ZBTB20: variants seen among roughly 807,000 people sequenced by gnomAD.
ZBTB20 encodes the protein zinc finger and BTB domain-containing protein 20.
ZBTB20 carries 9 observed loss-of-function variants against 56.9 expected under a neutral mutation model. That is an observed-to-expected ratio of 0.16 (90% confidence interval 0.10 to 0.28). The LOEUF is 0.28. ZBTB20 is among the 10% of genes least tolerant of loss of function. The probability of loss-of-function intolerance (pLI) is 1.00; values close to 1 mark genes in which losing one functional copy is unlikely to be tolerated. For synonymous variants in ZBTB20, 417 were observed against 420.7 expected, an observed-to-expected ratio of 0.99 and a Z score of 0.11; for missense variants, 655 against 1,003.0, an observed-to-expected ratio of 0.65 and a Z score of 4.69.
chr3:115,142,276 A>T (rs1327435996), intron 1 of ZBTB20, among the ~76,000 whole-genome samples: 3 of 152,186 alleles, frequency 2.0e-5, no homozygotes, highest in African/African-American at 7.2e-5. Context: ...ACACATGCAA[A>T]CACACATCGA....
At chr3:115,145,199 C>G (rs1560606729) in intron 1 of ZBTB20, among the ~76,000 whole-genome samples, 1 of 152,200 alleles carries the variant, frequency 6.6e-6, no homozygotes. Context: ...TGTGCAACAA[C>G]TTTGATATAT....
Position 114,544,392 on chromosome 3 carries a change from T to C in ZBTB20, c.-294-44001A>G, listed in dbSNP as rs146955237. Among the ~76,000 whole-genome samples the C allele has an allele frequency of 2.6e-5, 4 of 151,110 alleles. No individual in the cohort carries two copies. The East Asian group carries it at 7.7e-4, about 29-fold the overall frequency. ...CCAATAAAATTACCTGTAGCACTCT[T>C]AAAAACTAGATTTCTTCTTTCTTTC... On this transcript the variant is annotated intron_variant, in intron 6 of 11. Coordinates refer to ENST00000675478, the MANE Select transcript of ZBTB20 (RefSeq NM_001348800.3).
intron 6 of ZBTB20, among the ~76,000 whole-genome samples, chr3:114,592,334 A>G (rs1433500545): frequency 2.0e-5 from 3 of 152,342 alleles, no homozygotes; most frequent in Admixed American, 1.3e-4. Flanking sequence ...AGAAGATAAT[A>G]TATTATCAAG....
chr3:114,506,329 C>T lies in ZBTB20; in HGVS notation c.-294-5938G>A, dbSNP rs76719828. On this transcript the variant is annotated intron_variant, in intron 6 of 11. Transcript: ENST00000675478. The stretch of plus-strand genomic sequence containing the variant: ...AGATTTTAAAGTTCAGCAATTAGGT[C>T]TGGGACTGCTTCTGCGCCTGAGACA... 8.8e-3 allele frequency among the ~76,000 whole-genome samples: 1,346 copies of T among 152,118 alleles called. 14 individuals are homozygous for T. Among genetic ancestry groups the T allele is most frequent in the African/African-American group, 0.028 (1,164 of 41,510 alleles).
chr3:114,602,774 C>A (rs978429167), intron 6 of ZBTB20, among the ~76,000 whole-genome samples: 2 of 151,990 alleles, frequency 1.3e-5, no homozygotes, highest in African/African-American at 4.8e-5. Flanking sequence ...CCCCCAAAAA[C>A]TCATATGCTA....
At position 114,986,808 on chromosome 3, in the gene ZBTB20, T is replaced by C. The variant is rs1030664823; in HGVS notation, c.-506-12392A>G. On this transcript the variant is annotated intron_variant, in intron 2 of 11. Transcript: ENST00000675478. ...AAAATTTAGTAAAGATTCTAAATGA[T>C]AACACACTGTCATAAGATACATTAC... 1.1e-4 allele frequency among the ~76,000 whole-genome samples: 16 copies of C among 152,168 alleles called. No homozygotes were observed. In the East Asian group the frequency reaches 2.9e-3, roughly 27 times the overall value.
chr3:114,940,781 C>G (rs79902021), intron 3 of ZBTB20, among the ~76,000 whole-genome samples: 4,891 of 146,162 alleles, frequency 0.033, 228 homozygotes, highest in Non-Finnish European at 0.053. Flanking sequence ...AAGGATAAAC[C>G]ATTTCCTCTT....
chr3:114,826,435 G>A (rs544484994), intron 4 of ZBTB20, among the ~76,000 whole-genome samples: 1 of 151,626 alleles, frequency 6.6e-6, no homozygotes, highest in Admixed American at 6.6e-5. Context: ...TTAGACATCA[G>A]CATTCAGTAT....
At chr3:114,451,610 A>T (rs1483029652) in intron 7 of ZBTB20, among the ~76,000 whole-genome samples, 1 of 152,186 alleles carries the variant, frequency 6.6e-6, no homozygotes, top group Non-Finnish European at 1.5e-5. Flanking sequence ...ACGCTATGAC[A>T]CACACAGATA....
At chr3:114,682,915 G>T (rs1578321465) in intron 6 of ZBTB20, among the ~76,000 whole-genome samples, 1 of 152,152 alleles carries the variant, frequency 6.6e-6, no homozygotes, top group African/African-American at 2.4e-5. Flanking sequence ...TTTGACTAAT[G>T]AAATATTAGT....
chr3:114,807,528 C>A (rs895482538), intron 4 of ZBTB20, among the ~76,000 whole-genome samples: 2 of 150,676 alleles, frequency 1.3e-5, no homozygotes, highest in African/African-American at 4.9e-5. Context: ...TGGATTGAAT[C>A]TCCTGTACAA....
chr3:115,143,022 A>G (rs934212911), intron 1 of ZBTB20, among the ~76,000 whole-genome samples: 2 of 152,220 alleles, frequency 1.3e-5, no homozygotes, highest in South Asian at 4.1e-4. Context: ...AAAAAAAATT[A>G]AAAAGGAAAA....
intron 6 of ZBTB20, among the ~76,000 whole-genome samples, chr3:114,675,854 A>T (rs2061595874): frequency 6.6e-6 from 1 of 152,150 alleles, no homozygotes. Context: ...AGTCACCAAC[A>T]ACAACAGCAG....
At position 114,328,118 on chromosome 3, in the gene ZBTB20, TAA is replaced by T. The variant is rs1237072621; in HGVS notation, c.*10885_*10886del. 5.9e-5 allele frequency: 9 copies of T among 152,192 alleles called. No individual in the cohort carries two copies. The highest frequency in any genetic ancestry group is 5.9e-4 in the Admixed American group (9 of 15,266). 9.4% of individuals were successfully genotyped at this position (152,192 alleles called of 1,614,324 possible). A position where few individuals can be genotyped will look rare whatever the true frequency, so the allele number is the denominator to read the frequency against. ...GTTATTATTTTATTTAAGTATATAT[TAA>T]GTTTATGTTTAGGCAATCTCTGGTT... On this transcript the variant is annotated 3_prime_UTR_variant, in exon 12 of 12. Coordinates refer to ENST00000675478, the MANE Select transcript of ZBTB20 (RefSeq NM_001348800.3).
At chr3:114,975,149 A>T (rs1173897630) in intron 2 of ZBTB20, among the ~76,000 whole-genome samples, 1 of 152,166 alleles carries the variant, frequency 6.6e-6, no homozygotes, top group East Asian at 1.9e-4. Flanking sequence ...AACAGGCAGG[A>T]TGTTGAGTTT....
chr3:114,693,072 G>A (rs1181653175), intron 6 of ZBTB20, among the ~76,000 whole-genome samples: 1 of 152,140 alleles, frequency 6.6e-6, no homozygotes, highest in African/African-American at 2.4e-5. Context: ...ATCACTAAAT[G>A]TGTTTGGAGG....
At chr3:115,039,266 A>C (rs982095335) in intron 2 of ZBTB20, among the ~76,000 whole-genome samples, 1 of 152,102 alleles carries the variant, frequency 6.6e-6, no homozygotes, top group African/African-American at 2.4e-5. Flanking sequence ...TAGAATCATA[A>C]CATATTTGGA....
chr3:114,787,366 T>TATATATATATATATATACAC (rs1278656494), intron 5 of ZBTB20, among the ~76,000 whole-genome samples: 9 of 82,898 alleles, frequency 1.1e-4, no homozygotes, highest in African/African-American at 4.7e-4. Flanking sequence ...TATATATATA[T>TATATATATATATATATACAC]ATACACACAC....
rs114728040 is a variant in ZBTB20 at position 114,801,822 on chromosome 3, G to C, written c.-416-648C>G. 7.0e-3 allele frequency among the ~76,000 whole-genome samples: 1,065 copies of C among 151,938 alleles called. 5 individuals carry two copies. The highest frequency in any genetic ancestry group is 0.023 in the African/African-American group (956 of 41,486). ...CATGCAGCCACTGCTGTTTGAAGCAGCACAGGAAGACCAAGAGAGTCTGAA... is the reference window on the plus strand; with the variant it reads ...CATGCAGCCACTGCTGTTTGAAGCACCACAGGAAGACCAAGAGAGTCTGAA... On this transcript the variant is annotated intron_variant, in intron 4 of 11. Coordinates refer to ENST00000675478, the MANE Select transcript of ZBTB20 (RefSeq NM_001348800.3).
Sources: gnomAD v4.1 joint callset for allele counts (sites outside exome capture counted in the v4.1 genomes callset) on GRCh38, gnomAD v4.1.1 for gene constraint, MANE v1.5 for transcripts, NCBI Gene and HGNC (gene_info 2026-07-23, HGNC 2026-07-21) for gene names.